Variants in EYA4 observed in about 807,000 individuals in gnomAD.
The protein encoded by EYA4 is protein phosphatase EYA4.
A neutral mutation model predicts 87.9 loss-of-function variants in EYA4; 31 were observed. The ratio of observed to expected loss-of-function variants is 0.35; its 90% CI spans 0.27 to 0.48. The LOEUF is 0.48. EYA4 is among the 20% of genes least tolerant of loss of function. The pLI is 0.99. For synonymous variants in EYA4, 263 were observed against 270.6 expected (o/e 0.97, Z 0.28); for missense variants, 678 against 761.4 (o/e 0.89, Z 1.29).
chr6:133,278,561 A>T (rs1480130767), intron 2 of EYA4, among the ~76,000 whole-genome samples: 1 of 152,194 alleles, frequency 6.6e-6, no homozygotes, highest in Non-Finnish European at 1.5e-5. Flanking sequence ...GTTAATGAGT[A>T]GCCTGACAAA....
At chr6:133,376,986 T>C (rs533472009) in intron 2 of EYA4, among the ~76,000 whole-genome samples, 39 of 152,118 alleles carry the variant, frequency 2.6e-4, no homozygotes, top group African/African-American at 8.2e-4. Flanking sequence ...TGACCAGTCC[T>C]CTCTACTCCT....
intron 2 of EYA4, among the ~76,000 whole-genome samples, chr6:133,365,864 C>A (rs1196731771): frequency 6.6e-6 from 1 of 152,040 alleles, no homozygotes; most frequent in Non-Finnish European, 1.5e-5. Context: ...CCCAGACCAG[C>A]CCTTTGCACT....
chr6:133,422,271 C>T (rs886523929), intron 3 of EYA4, among the ~76,000 whole-genome samples: 2 of 152,096 alleles, frequency 1.3e-5, no homozygotes, highest in Non-Finnish European at 2.9e-5. Context: ...AGTTATCATT[C>T]CCATAAGTGC....
rs1286846348 is a variant in EYA4, at chr6:133,381,602, A to G, written c.34-790A>G. 9.2e-5 allele frequency among the ~76,000 whole-genome samples: 14 copies of G among 152,296 alleles called. No homozygotes were observed. The East Asian group carries it at 1.7e-3, about 19-fold the overall frequency. On this transcript the variant is annotated intron_variant, in intron 2 of 19. Coordinates refer to ENST00000355286, the MANE Select transcript of EYA4 (RefSeq NM_004100.5). ...ATGAACACCCAGAAATAGTGGGCTT[A>G]TAAATGTATATTGTACATTTTTCAT...
At chr6:133,303,609 C>T (rs951760699) in intron 2 of EYA4, among the ~76,000 whole-genome samples, 4 of 152,144 alleles carry the variant, frequency 2.6e-5, no homozygotes, top group Admixed American at 6.6e-5. Context: ...TACTGATACA[C>T]AGTAAAATTT....
chr6:133,523,098 C>G lies in EYA4; in HGVS notation c.1659C>G (p.Ile553Met), dbSNP rs1345813435. ...TCTTGGTAACGACAACTCAACTGAT[C>G]CCAGCACTTGCGAAGGTTCTACTCT... The part of the protein sequence containing the change: ...INVLVTTTQL[I>M]PALAKVLLYS... The change falls in exon 18 of 20, where the codon ATC (isoleucine) becomes ATG (methionine). Residue 553 changes from isoleucine (I) to methionine (M), a missense_variant. By Grantham distance (10) the Ile-to-Met change is conservative. Transcript: ENST00000355286. 1.9e-6 allele frequency: 3 copies of G among 1,612,102 alleles called. No individual in the cohort carries two copies. Among genetic ancestry groups the G allele is most frequent in the Middle Eastern group, 1.7e-4 (1 of 6,052 alleles).
chr6:133,244,222 A>G (rs1449555783), intron 1 of EYA4, among the ~76,000 whole-genome samples: 1 of 152,218 alleles, frequency 6.6e-6, no homozygotes, highest in Non-Finnish European at 1.5e-5. Flanking sequence ...TTCAATATTT[A>G]AAGACCATTG....
In EYA4 at chr6:133,528,672, T is replaced by C. The variant is rs546439604; in HGVS notation, c.1840-53T>C. On this transcript the variant is annotated intron_variant, in intron 19 of 19. Transcript: ENST00000355286. Reference sequence around the variant, plus strand: ...AGACAATGGTTGTGATCTCTCTCCATGCCTCATTCCTTCCCCTTCTCTCTC... The same window carrying C: ...AGACAATGGTTGTGATCTCTCTCCACGCCTCATTCCTTCCCCTTCTCTCTC... The C allele has an allele frequency of 1.1e-5, 14 of 1,234,760 alleles. No homozygotes were observed. In the East Asian group the frequency reaches 3.0e-4, roughly 27 times the overall value. The allele number at this position is 1,234,760 out of a possible 1,614,324, so 76.5% of individuals were successfully genotyped here. A position where few individuals can be genotyped will look rare whatever the true frequency, so the allele number is the denominator to read the frequency against.
At chr6:133,244,039 T>TA (rs1162340048) in intron 1 of EYA4, among the ~76,000 whole-genome samples, 1 of 152,228 alleles carries the variant, frequency 6.6e-6, no homozygotes, top group African/African-American at 2.4e-5. Flanking sequence ...ACAAGAATGT[T>TA]AAAACCTTTG....
At chr6:133,402,582 G>A (rs1193094293) in intron 3 of EYA4, among the ~76,000 whole-genome samples, 6 of 152,160 alleles carry the variant, frequency 3.9e-5, no homozygotes, top group Non-Finnish European at 5.9e-5. Context: ...TACTGAAAGA[G>A]TGTAGTCAAC....
intron 3 of EYA4, among the ~76,000 whole-genome samples, chr6:133,389,563 A>G (rs999296256): frequency 3.3e-5 from 5 of 152,296 alleles, no homozygotes; most frequent in African/African-American, 4.8e-5. Flanking sequence ...CTGGCTTGCA[A>G]TTGCTCCTGG....
chr6:133,343,247 T>C (rs1028495650), intron 2 of EYA4, among the ~76,000 whole-genome samples: 5 of 152,180 alleles, frequency 3.3e-5, no homozygotes, highest in Admixed American at 3.3e-4. Context: ...AAGATATAAT[T>C]CTTGCATGTG....
In EYA4 at chr6:133,532,111, A is replaced by G. The variant is rs1801044062; in HGVS notation, c.*3306A>G. On this transcript the variant is annotated 3_prime_UTR_variant, in exon 20 of 20. Coordinates refer to ENST00000355286, the MANE Select transcript of EYA4 (RefSeq NM_004100.5). ...AATAAATACCTTTGCAATTGTTTTC[A>G]TTTCCTTCACCCTCCCATGTTGTAG... The G allele has an allele frequency of 1.3e-5, 2 of 152,122 alleles. No individual in the cohort carries two copies. The highest frequency in any genetic ancestry group is 2.9e-5 in the Non-Finnish European group (2 of 68,014). 9.4% of individuals were successfully genotyped at this position (152,122 alleles called of 1,614,324 possible). A position where few individuals can be genotyped will look rare whatever the true frequency, so the allele number is the denominator to read the frequency against.
rs182034821 is a variant in EYA4 at position 133,490,805 on chromosome 6, A to T, written c.1191+7690A>T. 9.9e-4 allele frequency among the ~76,000 whole-genome samples: 151 copies of T among 152,314 alleles called. 1 individual carries two copies. Among genetic ancestry groups the T allele is most frequent in the Middle Eastern group, 6.8e-3 (2 of 294 alleles). On this transcript the variant is annotated intron_variant, in intron 13 of 19. Transcript: ENST00000355286. The stretch of plus-strand genomic sequence containing the variant: ...TCAACATTGGGCACATCATCCAGAC[A>T]CACAATCAACAAAGAAACACTGGAC...
chr6:133,397,271 A>C (rs540048733), intron 3 of EYA4, among the ~76,000 whole-genome samples: 1 of 152,334 alleles, frequency 6.6e-6, no homozygotes, highest in East Asian at 1.9e-4. Context: ...GGTGCTGCTT[A>C]GAAAGAGTCA....
intron 2 of EYA4, among the ~76,000 whole-genome samples, chr6:133,279,562 A>G (rs967365144): frequency 1.3e-5 from 2 of 152,136 alleles, no homozygotes; most frequent in African/African-American, 4.8e-5. Context: ...TTGTTTCTAC[A>G]TGCATTTGTA....
chr6:133,398,211 T>A (rs1188587970), intron 3 of EYA4, among the ~76,000 whole-genome samples: 3 of 152,196 alleles, frequency 2.0e-5, no homozygotes, highest in African/African-American at 7.2e-5. Flanking sequence ...TGTTTGCAAT[T>A]CCTGGGAATG....
intron 5 of EYA4, among the ~76,000 whole-genome samples, chr6:133,450,174 A>C (rs962732037): frequency 1.3e-5 from 2 of 151,824 alleles, no homozygotes; most frequent in Non-Finnish European, 2.9e-5. Context: ...TTTAGTAGAG[A>C]TGGGGTTTCA....
intron 1 of EYA4, among the ~76,000 whole-genome samples, chr6:133,261,559 A>G (rs1317358010): frequency 6.6e-6 from 1 of 152,258 alleles, no homozygotes; most frequent in Non-Finnish European, 1.5e-5. Context: ...TTAATCGAGG[A>G]GTTGTTCATT....
Sources: gnomAD v4.1 joint callset for allele counts (sites outside exome capture counted in the v4.1 genomes callset) on GRCh38, gnomAD v4.1.1 for gene constraint, MANE v1.5 for transcripts, NCBI Gene and HGNC (gene_info 2026-07-23, HGNC 2026-07-21) for gene names.